TES: variants seen among roughly 807,000 people sequenced by gnomAD.
TES encodes the protein testin.
TES carries 41 observed loss-of-function variants against 48.2 expected under a neutral mutation model. That is an observed-to-expected ratio of 0.85 (90% CI 0.66 to 1.10). The LOEUF (loss-of-function observed/expected upper bound fraction) is 1.10, where lower values mean the gene tolerates loss of function less well. Ranked by LOEUF, TES falls within the 50% of genes least tolerant of loss-of-function variation. The pLI is 0.00. For missense variants in TES, 463 were observed against 515.1 expected (o/e 0.90, Z 0.98); for synonymous variants, 162 against 174.9 (o/e 0.93, Z 0.58).
At chr7:116,221,245 G>C (rs1282893194) in intron 1 of TES, among the ~76,000 whole-genome samples, 1 of 151,982 alleles carries the variant, frequency 6.6e-6, no homozygotes, top group Non-Finnish European at 1.5e-5. Context: ...TCTGGAACTT[G>C]AGTACCTACC....
intron 1 of TES, among the ~76,000 whole-genome samples, chr7:116,221,835 G>A (rs1799561520): frequency 6.6e-6 from 1 of 152,092 alleles, no homozygotes; most frequent in African/African-American, 2.4e-5. Context: ...ACATGCAACT[G>A]CAATTTTATC....
At chr7:116,231,819 G>A (rs1458440728) in intron 1 of TES, among the ~76,000 whole-genome samples, 1 of 152,228 alleles carries the variant, frequency 6.6e-6, no homozygotes, top group East Asian at 1.9e-4. Flanking sequence ...GGTCAGCTGT[G>A]AAGCAGCGCC....
At chr7:116,235,512 TAGTG>T (rs1389237563) in intron 2 of TES, among the ~76,000 whole-genome samples, 4 of 152,190 alleles carry the variant, frequency 2.6e-5, no homozygotes, top group African/African-American at 7.2e-5. Context: ...AAGACAATGT[TAGTG>T]AGTCAAAAAT....
intron 1 of TES, among the ~76,000 whole-genome samples, chr7:116,224,125 T>G (rs578165518): frequency 1.3e-5 from 2 of 152,346 alleles, no homozygotes; most frequent in African/African-American, 4.8e-5. Context: ...GAGGTACCCA[T>G]GTGGGCAGGC....
At chr7:116,227,528 T>C (rs1487543435) in intron 1 of TES, among the ~76,000 whole-genome samples, 1 of 152,140 alleles carries the variant, frequency 6.6e-6, no homozygotes, top group African/African-American at 2.4e-5. Flanking sequence ...TAAAAATATA[T>C]TGATTGGGTG....
intron 2 of TES, among the ~76,000 whole-genome samples, chr7:116,240,603 G>T (rs1309428669): frequency 6.6e-6 from 1 of 152,008 alleles, no homozygotes; most frequent in East Asian, 1.9e-4. Context: ...ACACCTTAGA[G>T]CTTCCCAATC....
intron 1 of TES, among the ~76,000 whole-genome samples, chr7:116,214,576 A>G (rs1245153134): frequency 2.0e-5 from 3 of 152,198 alleles, no homozygotes; most frequent in Admixed American, 6.5e-5. Flanking sequence ...TTATAAAACT[A>G]TTCTAACCCA....
chr7:116,227,671 A>G (rs754603268), intron 1 of TES, among the ~76,000 whole-genome samples: 20 of 152,194 alleles, frequency 1.3e-4, no homozygotes, highest in Non-Finnish European at 1.0e-4. Context: ...GGAGTGTAAT[A>G]TGAATATATG....
At chr7:116,249,397 A>G (rs1007087406) in intron 3 of TES, 125 bp downstream of exon 3, 4 of 1,157,608 alleles carry the variant, frequency 3.5e-6, no homozygotes, top group African/African-American at 1.6e-5. Flanking sequence ...GGTTCTCATT[A>G]CTTTGACTTC....
At chr7:116,230,974 A>G (rs1217455379) in intron 1 of TES, among the ~76,000 whole-genome samples, 3 of 152,168 alleles carry the variant, frequency 2.0e-5, no homozygotes, top group Non-Finnish European at 4.4e-5. Flanking sequence ...AAAGTCATCT[A>G]CACTTAGAGA....
At chr7:116,215,135 A>C (rs953646004) in intron 1 of TES, among the ~76,000 whole-genome samples, 27 of 152,168 alleles carry the variant, frequency 1.8e-4, no homozygotes, top group African/African-American at 6.3e-4. Flanking sequence ...AAGAAACTAA[A>C]AGTTTAGATA....
At chr7:116,222,867 C>A in intron 1 of TES, 1 of 552,698 alleles carries the variant, frequency 1.8e-6, no homozygotes, top group Non-Finnish European at 2.3e-6. Flanking sequence ...TTCAGCGGAG[C>A]CAGAGCTCAG....
intron 2 of TES, among the ~76,000 whole-genome samples, chr7:116,234,847 C>T (rs1343422619): frequency 6.6e-6 from 1 of 152,226 alleles, no homozygotes; most frequent in Non-Finnish European, 1.5e-5. Flanking sequence ...GATTTGCTTG[C>T]TGTCTTTAAG....
chr7:116,217,800 C>T (rs555070954), intron 1 of TES: 2 of 518,370 alleles, frequency 3.9e-6, no homozygotes, highest in Admixed American at 3.9e-5. Context: ...AACTGCCCAA[C>T]TACAATCTTT....
At chr7:116,257,158 G>A in intron 6 of TES, 136 bp from the exon 7 acceptor site, 1 of 928,970 alleles carries the variant, frequency 1.1e-6, no homozygotes, top group Non-Finnish European at 1.5e-6. Context: ...TAGCTAGAAG[G>A]CCACCCTCCA....
rs1030759763 is a variant in TES at position 116,225,542 on chromosome 7, A to G, written c.28-8992A>G. Among the ~76,000 whole-genome samples, 4 of 152,174 alleles carry G rather than the reference A, an allele frequency of 2.6e-5. 1 individual carries two copies. The highest frequency in any genetic ancestry group is 2.6e-4 in the Admixed American group (4 of 15,272). ...CTTTTCATTCCTAACATAATAGTCT[A>G]TGTGATTATTTACTGCTGTCTGTGA... On this transcript the variant is annotated intron_variant, in intron 1 of 6. Transcript: ENST00000358204.
chr7:116,226,087 T>C (rs1482342816), intron 1 of TES, among the ~76,000 whole-genome samples: 1 of 152,216 alleles, frequency 6.6e-6, no homozygotes, highest in Non-Finnish European at 1.5e-5. Context: ...CACCACCCCT[T>C]CCAGTGTCTT....
At position 116,257,589 on chromosome 7, in the gene TES, G is replaced by A. The variant is rs1328411857; in HGVS notation, c.*107G>A. ...AAAACGCAAAAAAAGAAACTGTAAA[G>A]GAAACCAAGAGATTTTGTTTAATTT... On this transcript the variant is annotated 3_prime_UTR_variant, in exon 7 of 7. Transcript: ENST00000358204. 2.8e-6 allele frequency: 3 copies of A among 1,056,312 alleles called. No homozygotes were observed. Among genetic ancestry groups the A allele is most frequent in the Non-Finnish European group, 3.7e-6 (3 of 802,368 alleles). 65.4% of individuals were successfully genotyped at this position (1,056,312 alleles called of 1,614,324 possible). A position where few individuals can be genotyped will look rare whatever the true frequency, so the allele number is the denominator to read the frequency against.
chr7:116,215,166 A>G (rs1020500444), intron 1 of TES, among the ~76,000 whole-genome samples: 1 of 152,206 alleles, frequency 6.6e-6, no homozygotes, highest in African/African-American at 2.4e-5. Flanking sequence ...AAACCTTACT[A>G]TAGAGAACTT....
Sources: allele counts gnomAD v4.1 joint callset (sites outside exome capture counted in the v4.1 genomes callset), GRCh38; gene constraint gnomAD v4.1.1; transcripts MANE v1.5; gene names NCBI Gene and HGNC (gene_info 2026-07-23, HGNC 2026-07-21).